Variants in MED13 observed in about 807,000 individuals in gnomAD.
MED13 encodes the protein mediator complex subunit 13, also known as mediator of RNA polymerase II transcription subunit 13.
A neutral mutation model predicts 225.2 loss-of-function variants in MED13; 23 were observed. The ratio of observed to expected loss-of-function variants is 0.10; its 90% confidence interval spans 0.07 to 0.14. MED13 has a LOEUF of 0.14. Among genes scored for constraint, MED13 ranks in the 10% least tolerant of loss-of-function variants. The pLI is 1.00. For missense variants in MED13, 2,197 were observed against 2,594.5 expected (o/e 0.85, Z 3.33); for synonymous variants, 942 against 889.2 (o/e 1.06, Z -1.06).
rs1446321964 is a variant in MED13, at chr17:61,965,129, G to A, written c.4721C>T (p.Thr1574Ile). 6.2e-7 allele frequency: 1 copy of A among 1,614,200 alleles called. No homozygotes were observed. The highest frequency in any genetic ancestry group is 2.2e-5 in the East Asian group (1 of 44,892). The change falls in exon 20 of 30, where the codon ACA becomes ATA. Residue 1574 changes from threonine (T) to isoleucine (I), a missense_variant. Thr to Ile is a moderately conservative substitution (Grantham distance 89). This residue lies in a region of MED13 where 457 missense variants were observed against 442.2 expected (regional missense o/e 1.03). Coordinates refer to ENST00000397786, the MANE Select transcript of MED13 (RefSeq NM_005121.3). ...ACCACTCTGAACTGTATTTGCTTGTGTAGACATGGATCCTGCAGCATTACT... is the reference window on the plus strand; with the variant it reads ...ACCACTCTGAACTGTATTTGCTTGTATAGACATGGATCCTGCAGCATTACT... ...MNSNAAGSMSTQANTVQSGQL... is the reference protein window; with the variant it reads ...MNSNAAGSMSIQANTVQSGQL...
At position 62,063,176 on chromosome 17, in the gene MED13, A is replaced by C; in HGVS notation, c.192T>G (p.Asp64Glu). 1 of 1,614,170 alleles carries C rather than the reference A, an allele frequency of 6.2e-7. No homozygotes were observed. Among genetic ancestry groups the C allele is most frequent in the Non-Finnish European group, 8.5e-7 (1 of 1,180,022 alleles). The change falls in exon 2 of 30, where the codon GAT becomes GAG. Residue 64 changes from aspartate (D) to glutamate (E), a missense_variant. Asp to Glu is a conservative substitution (Grantham distance 45). Transcript: ENST00000397786. ...LSSFSRCLKA[D>E]VLGVWRRDQR... Reference sequence around the variant, plus strand: ...GATCTCGCCGCCAAACACCAAGTACATCTGCCTTAAGGCAGCGACTAAAAC... The same window carrying C: ...GATCTCGCCGCCAAACACCAAGTACCTCTGCCTTAAGGCAGCGACTAAAAC...
At chr17:61,967,827 TA>T (rs2080072330) in intron 18 of MED13, among the ~76,000 whole-genome samples, 2 of 152,134 alleles carry the variant, frequency 1.3e-5, no homozygotes, top group Admixed American at 1.3e-4. Flanking sequence ...CTTCCTCCTA[TA>T]GGGGGATAGC....
intron 8 of MED13, among the ~76,000 whole-genome samples, chr17:62,018,352 G>A (rs915447198): frequency 3.3e-5 from 5 of 152,034 alleles, no homozygotes; most frequent in African/African-American, 9.7e-5. Context: ...AAAACAATAC[G>A]GTATAACAAC....
chr17:61,995,426 A>C, intron 9 of MED13, 61 bp from the exon 10 acceptor site: 1 of 1,186,888 alleles, frequency 8.4e-7, no homozygotes, highest in Non-Finnish European at 1.2e-6. Flanking sequence ...TTCCAAAATG[A>C]CGTTAAGTAT....
chr17:62,048,099 T>A (rs1216717602), intron 3 of MED13, among the ~76,000 whole-genome samples: 1 of 147,138 alleles, frequency 6.8e-6, no homozygotes, highest in Non-Finnish European at 1.5e-5. Flanking sequence ...AAGGTGGATA[T>A]ATAGGTGTAA....
intron 8 of MED13, among the ~76,000 whole-genome samples, chr17:62,025,766 T>C (rs1210359681): frequency 6.6e-6 from 1 of 152,232 alleles, no homozygotes; most frequent in Non-Finnish European, 1.5e-5. Context: ...CTTATACAAA[T>C]TATGTTCAGA....
At position 61,962,837 on chromosome 17, in the gene MED13, C is replaced by T; in HGVS notation, c.4979G>A (p.Ser1660Asn). ...TCGAAGTAGCCCCAATGTCCACACA[C>T]TAGAAGAGTTAGTGCTCTCGTCTGT... ...ENTDESTNSS[S>N]VWTLGLLRCF... Residue 1660 changes from serine (S) to asparagine (N), a missense_variant, in exon 21 of 30, where the codon AGT becomes AAT. Physicochemically the swap from Ser to Asn is conservative, Grantham distance 46 (BLOSUM62 1). Transcript: ENST00000397786. 1 of 1,614,162 alleles carries T rather than the reference C, an allele frequency of 6.2e-7. No individual in the cohort carries two copies. The highest frequency in any genetic ancestry group is 8.5e-7 in the Non-Finnish European group (1 of 1,180,028).
At chr17:62,003,890 C>A (rs1429920744) in intron 9 of MED13, 5 of 152,270 alleles carry the variant, frequency 3.3e-5, no homozygotes, top group African/African-American at 1.2e-4. Context: ...AGAAAAATGT[C>A]AAATAATTTT....
In MED13 at chr17:62,008,611, G is replaced by C. The variant is rs73334700; in HGVS notation, c.1967+1939C>G. Reference sequence around the variant, plus strand: ...ACATGTAGCCAAATTATCAATCCAAGCATGAGGGCAAAAAAATCAGGTCAT... The same window carrying C: ...ACATGTAGCCAAATTATCAATCCAACCATGAGGGCAAAAAAATCAGGTCAT... On this transcript the variant is annotated intron_variant, in intron 9 of 29. Coordinates refer to ENST00000397786, the MANE Select transcript of MED13 (RefSeq NM_005121.3). 5.8e-3 allele frequency among the ~76,000 whole-genome samples: 881 copies of C among 152,034 alleles called. 8 individuals are homozygous for C. The highest frequency in any genetic ancestry group is 0.02 in the African/African-American group (832 of 41,478).
intron 3 of MED13, among the ~76,000 whole-genome samples, chr17:62,040,863 TA>T (rs202171734): frequency 3.3e-5 from 5 of 151,898 alleles, no homozygotes; most frequent in South Asian, 2.1e-4. Context: ...AAAATAGCTT[TA>T]AAAAAAACAG....
In MED13 at chr17:62,033,907, A is replaced by T; in HGVS notation, c.694T>A (p.Leu232Ile). The change falls in exon 5 of 30, where the codon TTA (leucine) becomes ATA (isoleucine). Residue 232 changes from leucine (L) to isoleucine (I), a missense_variant. Physicochemically the swap from Leu to Ile is conservative, Grantham distance 5. Coordinates refer to ENST00000397786, the MANE Select transcript of MED13 (RefSeq NM_005121.3). ...FKMSDSATKKLIGEWKQFYPI... is the reference protein window; with the variant it reads ...FKMSDSATKKIIGEWKQFYPI... ...TAGAACTGTTTCCATTCACCAATTA[A>T]TTTTTTTGTAGCTGAATCAGACATC... The T allele has an allele frequency of 6.2e-7, 1 of 1,614,022 alleles. No homozygotes were observed. The highest frequency in any genetic ancestry group is 1.1e-5 in the South Asian group (1 of 91,074).
At position 61,984,375 on chromosome 17, in the gene MED13, AT is replaced by A; in HGVS notation, c.2692-9del. The A allele has an allele frequency of 6.5e-7, 1 of 1,536,264 alleles. No homozygotes were observed. The highest frequency in any genetic ancestry group is 2.3e-5 in the East Asian group (1 of 43,416). ...ATAGACATAAGAAAAATCCTACAAT[AT>A]AAAGATGGTAGGTTTTCAGTATCTT... is the stretch of plus-strand genomic sequence containing the variant. On this transcript the variant is annotated splice_polypyrimidine_tract_variant and intron_variant, in intron 14 of 29. Transcript: ENST00000397786.
At chr17:61,988,802 T>C (rs1158352167) in intron 11 of MED13, among the ~76,000 whole-genome samples, 1 of 152,024 alleles carries the variant, frequency 6.6e-6, no homozygotes, top group Non-Finnish European at 1.5e-5. Flanking sequence ...CATTACCTCA[T>C]ATACAGGTAC....
At chr17:62,012,240 C>G (rs1393485400) in intron 8 of MED13, among the ~76,000 whole-genome samples, 1 of 148,960 alleles carries the variant, frequency 6.7e-6, no homozygotes, top group Non-Finnish European at 1.5e-5. Context: ...CAAAAACAAA[C>G]AAAAAAAAGA....
chr17:62,001,362 T>A (rs1035225702), intron 9 of MED13, among the ~76,000 whole-genome samples: 1 of 152,200 alleles, frequency 6.6e-6, no homozygotes. Context: ...CGGCCTCACA[T>A]CACTTTCTAT....
chr17:62,045,394 G>A (rs2080889539), intron 3 of MED13, among the ~76,000 whole-genome samples: 3 of 152,098 alleles, frequency 2.0e-5, no homozygotes, highest in Admixed American at 2.0e-4. Context: ...TGGTTGGTGT[G>A]TGCCTGTAGT....
At chr17:62,015,113 A>C (rs751922970) in intron 8 of MED13, among the ~76,000 whole-genome samples, 3 of 152,206 alleles carry the variant, frequency 2.0e-5, no homozygotes, top group Non-Finnish European at 4.4e-5. Flanking sequence ...AAAACATAAC[A>C]ACCAAATGTT....
chr17:62,062,968 C>A (rs1236998398), intron 2 of MED13, 99 bp downstream of exon 2: 1 of 831,618 alleles, frequency 1.2e-6, no homozygotes, highest in Non-Finnish European at 1.9e-6. Context: ...CCTCCTAAGT[C>A]TCCCACAAAA....
intron 28 of MED13, among the ~76,000 whole-genome samples, chr17:61,948,902 C>T (rs527852119): frequency 2.0e-5 from 3 of 150,874 alleles, no homozygotes; most frequent in African/African-American, 4.9e-5. Flanking sequence ...CCGGCTAAAA[C>T]GGTGAAACCC....
Sources: gnomAD v4.1 joint callset for allele counts (sites outside exome capture counted in the v4.1 genomes callset) on GRCh38, gnomAD v4.1.1 for gene constraint, gnomAD v4.1.1 regional missense constraint, MANE v1.5 for transcripts, NCBI Gene and HGNC (gene_info 2026-07-23, HGNC 2026-07-21) for gene names.